The following CHST8 variants were observed in gnomAD, a reference collection of about 807,000 sequenced individuals.
CHST8 encodes the protein GALNAC-4-ST1.
In CHST8, 10 loss-of-function variants were observed where a neutral mutation model predicts 15.0. That is an observed-to-expected ratio of 0.67 (90% CI 0.41 to 1.13). CHST8 has a LOEUF of 1.13. Ranked by LOEUF, CHST8 falls within the 50% of genes most tolerant of loss-of-function variation. The pLI is 0.00. For missense variants in CHST8, 634 were observed against 608.2 expected (o/e 1.04, Z -0.45); for synonymous variants, 259 against 256.6 (o/e 1.01, Z -0.09).
intron 3 of CHST8, among the ~76,000 whole-genome samples, chr19:33,750,415 TGA>T (rs1200564726): frequency 6.6e-6 from 1 of 152,166 alleles, no homozygotes; most frequent in Non-Finnish European, 1.5e-5. Context: ...GGCCTGGATC[TGA>T]GAGCCATCCA....
chr19:33,748,682 C>G (rs1974358256), intron 3 of CHST8, among the ~76,000 whole-genome samples: 1 of 152,212 alleles, frequency 6.6e-6, no homozygotes, highest in Admixed American at 6.5e-5. Context: ...AGGAGACGCA[C>G]ACAGCCTTGG....
At chr19:33,767,508 T>A (rs972977828) in intron 3 of CHST8, among the ~76,000 whole-genome samples, 1 of 152,220 alleles carries the variant, frequency 6.6e-6, no homozygotes, top group Non-Finnish European at 1.5e-5. Context: ...CTTCAGCCAA[T>A]GAAGAGTTCA....
chr19:33,680,986 G>A (rs576438534), intron 2 of CHST8, among the ~76,000 whole-genome samples: 4 of 152,270 alleles, frequency 2.6e-5, no homozygotes, highest in African/African-American at 9.6e-5. Context: ...TTCCCCAATT[G>A]TAACGGTTTG....
chr19:33,688,157 C>T (rs899974308), intron 2 of CHST8, among the ~76,000 whole-genome samples: 3 of 152,324 alleles, frequency 2.0e-5, no homozygotes, highest in Admixed American at 2.0e-4. Flanking sequence ...CTCTCTCCCC[C>T]TGTACTCTGC....
chr19:33,757,630 A>G (rs1236365344), intron 3 of CHST8, among the ~76,000 whole-genome samples: 1 of 151,080 alleles, frequency 6.6e-6, no homozygotes, highest in Non-Finnish European at 1.5e-5. Context: ...AGGGAGCAGA[A>G]AGGGGCTCTT....
intron 2 of CHST8, among the ~76,000 whole-genome samples, chr19:33,681,166 A>C (rs546671352): frequency 1.3e-5 from 2 of 152,352 alleles, no homozygotes; most frequent in Admixed American, 6.5e-5. Context: ...AACGATAGCT[A>C]TCACTAAATG....
intron 1 of CHST8, among the ~76,000 whole-genome samples, chr19:33,641,731 G>C (rs1331002772): frequency 1.3e-5 from 2 of 151,764 alleles, no homozygotes; most frequent in Non-Finnish European, 2.9e-5. Flanking sequence ...GTATGGTCTG[G>C]GATGTCGGGG....
chr19:33,747,223 G>GC (rs1974331563), intron 3 of CHST8, among the ~76,000 whole-genome samples: 1 of 152,158 alleles, frequency 6.6e-6, no homozygotes, highest in Non-Finnish European at 1.5e-5. Flanking sequence ...AGCCATAGGT[G>GC]CCCCACTCAG....
At chr19:33,722,655 AC>A (rs1377104820) in intron 3 of CHST8, among the ~76,000 whole-genome samples, 1 of 152,122 alleles carries the variant, frequency 6.6e-6, no homozygotes, top group Non-Finnish European at 1.5e-5. Context: ...AATTGGTAAC[AC>A]GAACCTGGAG....
At chr19:33,684,074 C>G (rs1972933421) in intron 2 of CHST8, among the ~76,000 whole-genome samples, 1 of 152,230 alleles carries the variant, frequency 6.6e-6, no homozygotes, top group Admixed American at 6.5e-5. Context: ...TCTCAGGCCC[C>G]CCTCGCTGTG....
chr19:33,644,083 C>T (rs925011653), intron 1 of CHST8, among the ~76,000 whole-genome samples: 1 of 152,144 alleles, frequency 6.6e-6, no homozygotes, highest in African/African-American at 2.4e-5. Flanking sequence ...CAGGCACCTG[C>T]CACCACACCT....
At chr19:33,725,472 G>A (rs749452930) in intron 3 of CHST8, among the ~76,000 whole-genome samples, 12 of 152,168 alleles carry the variant, frequency 7.9e-5, no homozygotes, top group Non-Finnish European at 1.2e-4. Flanking sequence ...TGAGCCCTGC[G>A]TGGGGCCTCG....
intron 1 of CHST8, among the ~76,000 whole-genome samples, chr19:33,654,300 G>C (rs1250738070): frequency 2.6e-5 from 4 of 151,996 alleles, no homozygotes; most frequent in African/African-American, 9.7e-5. Context: ...ACAATAGATA[G>C]ATTAGCATAA....
chr19:33,682,078 C>T (rs1235990327), intron 2 of CHST8, among the ~76,000 whole-genome samples: 4 of 151,874 alleles, frequency 2.6e-5, no homozygotes, highest in South Asian at 2.1e-4. Context: ...TTGTCTTGAA[C>T]TCCTGACCTC....
chr19:33,716,491 T>A (rs1973668084), intron 3 of CHST8, among the ~76,000 whole-genome samples: 1 of 152,166 alleles, frequency 6.6e-6, no homozygotes, highest in Non-Finnish European at 1.5e-5. Context: ...CCCAGCCTTT[T>A]CAGTAGCTGG....
rs1490374675 is a variant in CHST8, at chr19:33,689,853, T to C, written c.130+462T>C. Among the ~76,000 whole-genome samples, 3 of 152,008 alleles carry C rather than the reference T, an allele frequency of 2.0e-5. No homozygotes were observed. The East Asian group carries it at 5.8e-4, about 29-fold the overall frequency. On this transcript the variant is annotated intron_variant, in intron 3 of 4. Coordinates refer to ENST00000650847, the MANE Select transcript of CHST8 (RefSeq NM_001127895.2). ...AAAGGGGGTCAGGGTACCTCCTGGTTTAGTGAGGCCAAGACCCCCTCCGAG... is the reference window on the plus strand; with the variant it reads ...AAAGGGGGTCAGGGTACCTCCTGGTCTAGTGAGGCCAAGACCCCCTCCGAG...
intron 1 of CHST8, among the ~76,000 whole-genome samples, chr19:33,654,697 A>C (rs142824003): frequency 4.3e-4 from 66 of 152,078 alleles, no homozygotes; most frequent in African/African-American, 1.5e-3. Context: ...AAATATAAAA[A>C]TATTTTCTTT....
intron 2 of CHST8, among the ~76,000 whole-genome samples, chr19:33,676,580 T>TAAC (rs1017256127): frequency 1.2e-4 from 18 of 150,870 alleles, no homozygotes; most frequent in African/African-American, 4.1e-4. Flanking sequence ...AATATAATAA[T>TAAC]AATAATAATT....
At chr19:33,731,108 A>G (rs1205863821) in intron 3 of CHST8, among the ~76,000 whole-genome samples, 1 of 152,242 alleles carries the variant, frequency 6.6e-6, no homozygotes, top group Non-Finnish European at 1.5e-5. Flanking sequence ...ACACCCTCAC[A>G]GACACACCCA....
Sources: gnomAD v4.1 joint callset for allele counts (sites outside exome capture counted in the v4.1 genomes callset) on GRCh38, gnomAD v4.1.1 for gene constraint, MANE v1.5 for transcripts, NCBI Gene and HGNC (gene_info 2026-07-23, HGNC 2026-07-21) for gene names.